The following MTOR variants were observed in gnomAD, a reference collection of about 807,000 sequenced individuals.
MTOR encodes the protein serine/threonine-protein kinase mTOR.
MTOR carries 70 observed loss-of-function variants against 319.8 expected under a neutral mutation model. The observed-to-expected ratio is 0.22, with a 90% CI of 0.18 to 0.27. The LOEUF is 0.27. Among genes scored for constraint, MTOR ranks in the 10% least tolerant of loss-of-function variants. The pLI is 1.00. For synonymous variants in MTOR, 1,183 were observed against 1,211.4 expected (o/e 0.98, Z 0.49); for missense variants, 1,890 against 3,274.4 (o/e 0.58, Z 10.32).
Position 11,199,788 on chromosome 1 carries a change from G to A in MTOR, c.3945-85C>T. The A allele has an allele frequency of 4.8e-6, 7 of 1,464,322 alleles. No homozygotes were observed. Among genetic ancestry groups the A allele is most frequent in the Non-Finnish European group, 6.5e-6 (7 of 1,071,986 alleles). 90.7% of individuals were successfully genotyped at this position (1,464,322 alleles called of 1,614,324 possible). ...AGTCACACCTATCAATTCGCTTTTGGCATCACTGATTTTGGTTATACAAAC... is the reference window on the plus strand; with the variant it reads ...AGTCACACCTATCAATTCGCTTTTGACATCACTGATTTTGGTTATACAAAC... On this transcript the variant is annotated intron_variant, in intron 26 of 57. Transcript: ENST00000361445. The surrounding 1 kb of genome is among the most constrained non-coding windows in gnomAD (Gnocchi z 4.5).
chr1:11,230,787 A>G, intron 18 of MTOR, 138 bp downstream of exon 18: 1 of 1,170,570 alleles, frequency 8.5e-7, no homozygotes, highest in Admixed American at 2.1e-5. Context: ...GAAACTACTG[A>G]CTTTTCATTC....
At chr1:11,142,673 G>T (rs1290396853) in intron 34 of MTOR, among the ~76,000 whole-genome samples, 1 of 152,064 alleles carries the variant, frequency 6.6e-6, no homozygotes, top group Non-Finnish European at 1.5e-5. Flanking sequence ...CTGCTTCATG[G>T]TAAATTCCAT....
chr1:11,237,916 A>T lies in MTOR; in HGVS notation c.2135T>A (p.Ile712Asn), dbSNP rs1231094474. 1 of 1,614,180 alleles carries T rather than the reference A, an allele frequency of 6.2e-7. No individual in the cohort carries two copies. ...DQVFEIRELA[I>N]CTVGRLSSMN... Reference sequence around the variant, plus strand: ...GCTACTGAGTCGGCCCACAGTGCAGATGGCCAGCTCCCGGATCTCAAACAC... The same window carrying T: ...GCTACTGAGTCGGCCCACAGTGCAGTTGGCCAGCTCCCGGATCTCAAACAC... Residue 712 changes from isoleucine to asparagine, a missense_variant, in exon 13 of 58, where the codon ATC (isoleucine) becomes AAC (asparagine). Transcript: ENST00000361445.
chr1:11,241,467 A>T, intron 10 of MTOR, 86 bp downstream of exon 10: 1 of 1,482,834 alleles, frequency 6.7e-7, no homozygotes, highest in Non-Finnish European at 9.0e-7. Context: ...ATGTGCAAAC[A>T]ACCATGCCTC....
rs1647008266 is a variant in MTOR, at chr1:11,231,317, G to C, written c.2632C>G (p.Gln878Glu). The C allele has an allele frequency of 1.2e-6, 2 of 1,614,046 alleles. No individual in the cohort carries two copies. The highest frequency in any genetic ancestry group is 1.7e-5 in the Admixed American group (1 of 60,014). ...TCCCCTACCTCTCTGCGTGTACCCT[G>C]GTTCTGCTCAGTCTTCAGAAAATTC... ...LLNFLKTEQN[Q>E]GTRREAIRVL... Residue 878 changes from glutamine (Q) to glutamate (E), a missense_variant, in exon 17 of 58, where the codon CAG becomes GAG. Coordinates refer to ENST00000361445, the MANE Select transcript of MTOR (RefSeq NM_004958.4).
chr1:11,147,440 G>A (rs978413104), intron 31 of MTOR, among the ~76,000 whole-genome samples: 3 of 152,202 alleles, frequency 2.0e-5, no homozygotes, highest in Admixed American at 2.0e-4. Flanking sequence ...TCCTGGTGGG[G>A]TGAGTATGTA....
At chr1:11,143,349 C>T (rs1643804508) in intron 34 of MTOR, among the ~76,000 whole-genome samples, 1 of 152,194 alleles carries the variant, frequency 6.6e-6, no homozygotes, top group African/African-American at 2.4e-5. Context: ...ACATTTGGAT[C>T]AAGTCCCACT....
At chr1:11,197,773 C>T (rs909835080) in intron 28 of MTOR, among the ~76,000 whole-genome samples, 22 of 152,198 alleles carry the variant, frequency 1.4e-4, no homozygotes. Context: ...GAACTCCTGA[C>T]ATCAAGTGAT....
rs777197140 is a variant in MTOR, at chr1:11,231,059, G to A, written c.2650-5C>T. 29 of 1,613,976 alleles carry A rather than the reference G, an allele frequency of 1.8e-5. No homozygotes were observed. Among genetic ancestry groups the A allele is most frequent in the South Asian group, 5.5e-5 (5 of 91,086 alleles). Reference sequence around the variant, plus strand: ...AAGCCCTAACACACGGATGGCCTGCGTGGGAAAGGGGAGGGAAAAAAGAAA... The same window carrying A: ...AAGCCCTAACACACGGATGGCCTGCATGGGAAAGGGGAGGGAAAAAAGAAA... On this transcript the variant is annotated splice_region_variant and splice_polypyrimidine_tract_variant and intron_variant, in intron 17 of 57. Transcript: ENST00000361445.
chr1:11,146,696 G>T lies in MTOR; in HGVS notation c.4666C>A (p.Leu1556Ile), dbSNP rs1643941640. ...YRAVLALHQD[L>I]FSLAQQCIDK... is the part of the protein sequence containing the mutation. ...TTTACCTGTTGTGCCAAGGAGAAGA[G>T]GTCCTGATGCAGTGCCAGCACAGCT... Residue 1556 changes from leucine (L) to isoleucine (I), a missense_variant, in exon 32 of 58, where the codon CTC becomes ATC. Around this residue, in one of 15 missense-constraint regions of MTOR, gnomAD observed 276 missense variants for 459.4 expected, o/e 0.60. Transcript: ENST00000361445. 6.2e-7 allele frequency: 1 copy of T among 1,614,074 alleles called. No homozygotes were observed. Among genetic ancestry groups the T allele is most frequent in the Non-Finnish European group, 8.5e-7 (1 of 1,179,968 alleles).
At chr1:11,234,904 CA>C (rs1557461618) in intron 13 of MTOR, among the ~76,000 whole-genome samples, 1 of 152,112 alleles carries the variant, frequency 6.6e-6, no homozygotes, top group Non-Finnish European at 1.5e-5. Flanking sequence ...GTGACATAGA[CA>C]GCATAATATA....
rs1351658717 is a variant in MTOR, at chr1:11,213,476, A to G, written c.3208T>C (p.Tyr1070His). 3 of 1,613,972 alleles carry G rather than the reference A, an allele frequency of 1.9e-6. No homozygotes were observed. In the African/African-American group the frequency reaches 4.0e-5, roughly 22 times the overall value. Residue 1070 changes from tyrosine (Y) to histidine (H), a missense_variant, in exon 21 of 58, where the codon TAC becomes CAC. This residue lies in a region of MTOR where 377 missense variants were observed against 653.9 expected (regional missense o/e 0.58). Transcript: ENST00000361445. ...VVALGGEFKL[Y>H]LPQLIPHMLR... ...ATGTGTGGGATCAGCTGGGGCAGGTAGAGCTTAAATTCACCCCCAAGAGCT... is the reference window on the plus strand; with the variant it reads ...ATGTGTGGGATCAGCTGGGGCAGGTGGAGCTTAAATTCACCCCCAAGAGCT...
intron 29 of MTOR, among the ~76,000 whole-genome samples, chr1:11,159,454 C>G (rs943248220): frequency 6.6e-5 from 10 of 152,070 alleles, no homozygotes; most frequent in African/African-American, 4.8e-5. Context: ...CTAGCCTGAT[C>G]AACATGGAGA....
At chr1:11,124,662 T>C (rs2100383393) in intron 46 of MTOR, 29 bp from the exon 47 acceptor site, 1 of 1,592,086 alleles carries the variant, frequency 6.3e-7, no homozygotes, top group Non-Finnish European at 8.6e-7. Flanking sequence ...GCGGTGAGTG[T>C]ACATCAGAGG....
chr1:11,253,907 C>T lies in MTOR; in HGVS notation c.772G>A (p.Asp258Asn). ...TLAKEKGMNR[D>N]DRIHGALLIL... ...AACAAGGCTCCATGGATCCGATCAT[C>T]CCGATTCATGCCCTTCTCTTTGGCC... The change falls in exon 6 of 58, where the codon GAT becomes AAT. Residue 258 changes from aspartate (D) to asparagine (N), a missense_variant. By Grantham distance (23) the Asp-to-Asn change is conservative. This residue lies in a region of MTOR where 418 missense variants were observed against 543.1 expected (regional missense o/e 0.77). Coordinates refer to ENST00000361445, the MANE Select transcript of MTOR (RefSeq NM_004958.4). The T allele has an allele frequency of 6.2e-7, 1 of 1,614,130 alleles. No individual in the cohort carries two copies. Among genetic ancestry groups the T allele is most frequent in the Non-Finnish European group, 8.5e-7 (1 of 1,180,012 alleles).
intron 28 of MTOR, chr1:11,192,449 TCA>T: frequency 1.6e-6 from 2 of 1,255,764 alleles, no homozygotes; most frequent in Non-Finnish European, 2.3e-6. Context: ...ACAGGGCCAT[TCA>T]CAGTTTAAAG....
At chr1:11,196,832 C>T (rs1285277110) in intron 28 of MTOR, among the ~76,000 whole-genome samples, 1 of 145,802 alleles carries the variant, frequency 6.9e-6, no homozygotes, top group Non-Finnish European at 1.5e-5. Context: ...AGCCTGGAGA[C>T]AGAGCGCGAC....
chr1:11,252,039 CT>C lies in MTOR; in HGVS notation c.840+1799del, dbSNP rs575255795. On this transcript the variant is annotated intron_variant, in intron 6 of 57. Coordinates refer to ENST00000361445, the MANE Select transcript of MTOR (RefSeq NM_004958.4). ...GACACTTCACACACATAGTCATCCC[CT>C]TAGTATCCATGGGGGTTGGTTCCAT... Among the ~76,000 whole-genome samples the C allele has an allele frequency of 5.0e-3, 768 of 152,218 alleles. 7 individuals are homozygous for C. The highest frequency in any genetic ancestry group is 8.5e-3 in the Non-Finnish European group (576 of 68,014).
intron 29 of MTOR, among the ~76,000 whole-genome samples, chr1:11,165,261 G>A (rs1442014355): frequency 1.3e-5 from 2 of 149,824 alleles, no homozygotes; most frequent in African/African-American, 5.0e-5. Flanking sequence ...AATCAGGCAG[G>A]AGAAAGAAAT....
Sources: allele counts gnomAD v4.1 joint callset (sites outside exome capture counted in the v4.1 genomes callset), GRCh38; gene constraint gnomAD v4.1.1; regional missense constraint gnomAD v4.1.1; non-coding constraint Gnocchi (gnomAD v3.1); transcripts MANE v1.5; gene names NCBI Gene and HGNC (gene_info 2026-07-23, HGNC 2026-07-21).